The following SLC22A24 variants were observed in gnomAD, a reference collection of about 807,000 sequenced individuals.
SLC22A24 encodes solute carrier family 22 member 24.
SLC22A24 carries 53 observed loss-of-function variants against 49.8 expected under a neutral mutation model. That is an observed-to-expected ratio of 1.06 (90% CI 0.85 to 1.34). The LOEUF is 1.34. Ranked by LOEUF, SLC22A24 falls within the 40% of genes most tolerant of loss-of-function variation. SLC22A24 has a pLI of 0.00. For missense variants in SLC22A24, 786 were observed against 675.9 expected, an observed-to-expected ratio of 1.16 and a Z score of -1.81; for synonymous variants, 302 against 256.4, an observed-to-expected ratio of 1.18 and a Z score of -1.70.
intron 6 of SLC22A24, among the ~76,000 whole-genome samples, chr11:63,090,036 G>A (rs551741466): frequency 2.7e-4 from 36 of 133,896 alleles, no homozygotes; most frequent in African/African-American, 8.5e-4. Context: ...AGCTGAGATC[G>A]GGCCACTGCA....
intron 2 of SLC22A24, among the ~76,000 whole-genome samples, chr11:63,120,867 TA>T (rs529210424): frequency 1.3e-5 from 2 of 152,184 alleles, no homozygotes; most frequent in African/African-American, 2.4e-5. Context: ...GAATTATCTT[TA>T]AAAAAAGATC....
chr11:63,121,402 C>T (rs538124868), intron 2 of SLC22A24, among the ~76,000 whole-genome samples: 69 of 152,028 alleles, frequency 4.5e-4, no homozygotes, highest in Middle Eastern at 3.4e-3. Context: ...AGGAATTCAT[C>T]ACTGGAAATG....
chr11:63,099,498 T>A (rs996845633), intron 5 of SLC22A24, among the ~76,000 whole-genome samples: 1 of 142,028 alleles, frequency 7.0e-6, no homozygotes, highest in East Asian at 2.2e-4. Context: ...TTACCAAACA[T>A]TTAAAGAACT....
intron 4 of SLC22A24, among the ~76,000 whole-genome samples, chr11:63,107,374 C>T (rs1322804598): frequency 2.6e-5 from 4 of 152,118 alleles, no homozygotes; most frequent in Non-Finnish European, 5.9e-5. Context: ...GTGATGCCTC[C>T]AGCTTTGTTC....
chr11:63,143,609 G>A lies in SLC22A24; in HGVS notation c.171C>T (p.Asp57=), dbSNP rs759312165. 1 of 1,578,076 alleles carries A rather than the reference G, an allele frequency of 6.3e-7. No homozygotes were observed. Among genetic ancestry groups the A allele is most frequent in the East Asian group, 2.3e-5 (1 of 42,712 alleles). Residue 57 remains aspartate, a synonymous_variant, in exon 1 of 10, where the codon GAC becomes GAT. Coordinates refer to ENST00000612278, the MANE Select transcript of SLC22A24 (RefSeq NM_001136506.2). The part of the protein sequence containing the change: ...HRCWVPLLDN[D]TVSDNDTGTL... ...TCCCGGTATCATTGTCAGACACAGT[G>A]TCATTGTCCAGGAGGGGGACCCAGC...
chr11:63,114,938 C>T (rs753364225), intron 4 of SLC22A24, among the ~76,000 whole-genome samples: 113 of 152,176 alleles, frequency 7.4e-4, no homozygotes, highest in Middle Eastern at 3.2e-3. Context: ...CTGGAAGCTT[C>T]GTCTCAGAAG....
At chr11:63,112,973 C>A (rs1157224633) in intron 4 of SLC22A24, among the ~76,000 whole-genome samples, 1 of 139,954 alleles carries the variant, frequency 7.1e-6, no homozygotes, top group Non-Finnish European at 1.5e-5. Context: ...CAAGTTTGTG[C>A]CACTGGACTC....
intron 6 of SLC22A24, among the ~76,000 whole-genome samples, chr11:63,092,896 G>A (rs1189302348): frequency 6.6e-6 from 1 of 152,082 alleles, no homozygotes; most frequent in Non-Finnish European, 1.5e-5. Context: ...TATCATCAGA[G>A]TGAACAGGCA....
chr11:63,126,631 T>A (rs368896171), intron 2 of SLC22A24, among the ~76,000 whole-genome samples: 2 of 152,208 alleles, frequency 1.3e-5, no homozygotes, highest in East Asian at 1.9e-4. Flanking sequence ...AGGATTTTCT[T>A]AGCTATGTGG....
At chr11:63,085,769 A>C (rs1452417049) in intron 6 of SLC22A24, among the ~76,000 whole-genome samples, 2 of 152,260 alleles carry the variant, frequency 1.3e-5, no homozygotes, top group Admixed American at 6.5e-5. Context: ...AATGGTGACA[A>C]TGATGACGAT....
intron 2 of SLC22A24, among the ~76,000 whole-genome samples, chr11:63,126,122 T>C (rs1051807277): frequency 6.6e-6 from 1 of 152,172 alleles, no homozygotes; most frequent in Non-Finnish European, 1.5e-5. Context: ...CTGTTCACTC[T>C]AATGGTAGTT....
At chr11:63,080,027 CAAGATTAAGAAACAAAAAATAAAT>C in intron 9 of SLC22A24, 27 bp from the exon 10 acceptor site, 1 of 1,435,578 alleles carries the variant, frequency 7.0e-7, no homozygotes, top group East Asian at 2.5e-5. Context: ...CAAACAAAAA[CAAGATTAAGAAACAAAAAATAAAT>C]AAGATATAGA....
intron 5 of SLC22A24, among the ~76,000 whole-genome samples, chr11:63,100,142 G>C (rs2087081852): frequency 6.6e-6 from 1 of 152,032 alleles, no homozygotes; most frequent in Non-Finnish European, 1.5e-5. Flanking sequence ...AATTATCTTT[G>C]TTTACAAATG....
At chr11:63,115,879 A>G in intron 4 of SLC22A24, 1 of 264,458 alleles carries the variant, frequency 3.8e-6, no homozygotes, top group Non-Finnish European at 7.3e-6. Context: ...AGAGATATCC[A>G]CTCTGAAGTC....
At chr11:63,111,096 A>G (rs1010418949) in intron 4 of SLC22A24, among the ~76,000 whole-genome samples, 9 of 151,950 alleles carry the variant, frequency 5.9e-5, no homozygotes, top group Non-Finnish European at 1.0e-4. Flanking sequence ...TTCTGCATCT[A>G]TTGAGATAAT....
chr11:63,086,321 G>A (rs532744103), intron 6 of SLC22A24, among the ~76,000 whole-genome samples: 2 of 152,302 alleles, frequency 1.3e-5, no homozygotes, highest in African/African-American at 2.4e-5. Context: ...TAAAGGAAAT[G>A]TGGTACACAT....
chr11:63,122,542 G>C (rs1354566236), intron 2 of SLC22A24, among the ~76,000 whole-genome samples: 1 of 152,136 alleles, frequency 6.6e-6, no homozygotes. Context: ...TTGAGATGGA[G>C]TCTTGCTCTG....
At chr11:63,125,155 A>G (rs2087280667) in intron 2 of SLC22A24, among the ~76,000 whole-genome samples, 1 of 152,138 alleles carries the variant, frequency 6.6e-6, no homozygotes, top group Non-Finnish European at 1.5e-5. Flanking sequence ...TTTATTTTTC[A>G]TTAAAAAATT....
At chr11:63,121,713 G>A (rs2087253532) in intron 2 of SLC22A24, among the ~76,000 whole-genome samples, 1 of 151,750 alleles carries the variant, frequency 6.6e-6, no homozygotes, top group South Asian at 2.1e-4. Context: ...ATGTATACAC[G>A]TGCCATGCTG....
Sources: allele counts gnomAD v4.1 joint callset (sites outside exome capture counted in the v4.1 genomes callset), GRCh38; gene constraint gnomAD v4.1.1; transcripts MANE v1.5; gene names NCBI Gene and HGNC (gene_info 2026-07-23, HGNC 2026-07-21).